Variants in PTPN13 observed in about 807,000 individuals in gnomAD.
PTPN13 encodes protein tyrosine phosphatase non-receptor type 13, also known as tyrosine-protein phosphatase non-receptor type 13.
A neutral mutation model predicts 284.0 loss-of-function variants in PTPN13; 191 were observed. The observed-to-expected ratio is 0.67, with a 90% CI of 0.60 to 0.76. The LOEUF is 0.76. Ranked by LOEUF, PTPN13 falls within the 30% of genes least tolerant of loss-of-function variation. The pLI is 0.00. For missense variants in PTPN13, 2,797 were observed against 2,939.9 expected (o/e 0.95, Z 1.12); for synonymous variants, 986 against 1,022.3 (o/e 0.96, Z 0.68).
intron 2 of PTPN13, among the ~76,000 whole-genome samples, chr4:86,642,421 CT>C (rs1723900107): frequency 1.5e-5 from 2 of 131,752 alleles, no homozygotes; most frequent in Non-Finnish European, 3.3e-5. Flanking sequence ...TTCAGTTCAT[CT>C]TTTCTTTTCT....
chr4:86,629,675 C>G (rs1367865162), intron 1 of PTPN13, among the ~76,000 whole-genome samples: 1 of 152,054 alleles, frequency 6.6e-6, no homozygotes, highest in African/African-American at 2.4e-5. Context: ...TTTTTAATGG[C>G]CTTCAAGACC....
At chr4:86,704,601 T>C (rs1731525657) in intron 7 of PTPN13, among the ~76,000 whole-genome samples, 1 of 152,200 alleles carries the variant, frequency 6.6e-6, no homozygotes, top group East Asian at 1.9e-4. Context: ...GTTCAAAAGG[T>C]AATTACGTAT....
Position 86,701,450 on chromosome 4 carries a change from C to A in PTPN13, c.844C>A (p.Pro282Thr). 6.2e-7 allele frequency: 1 copy of A among 1,613,652 alleles called. No individual in the cohort carries two copies. The highest frequency in any genetic ancestry group is 2.2e-5 in the East Asian group (1 of 44,874). ...CCCTTACCAGTTCAAAACTAGTGGC[C>A]CAGAAAAAAAACCCATCCCTGGCAT... ...FSPYQFKTSG[P>T]EKKPIPGIDV... The change falls in exon 7 of 48, where the codon CCA becomes ACA. Residue 282 changes from proline (P) to threonine (T), a missense_variant. Physicochemically the swap from Pro to Thr is conservative, Grantham distance 38. Coordinates refer to ENST00000411767, the MANE Select transcript of PTPN13 (RefSeq NM_080683.3).
Position 86,752,605 on chromosome 4 carries a change from A to G in PTPN13, c.3167-404A>G, listed in dbSNP as rs373147681. Among the ~76,000 whole-genome samples, 10 of 152,178 alleles carry G rather than the reference A, an allele frequency of 6.6e-5. No homozygotes were observed. The East Asian group carries it at 1.9e-3, about 29-fold the overall frequency. ...TTTGGTCTACATGAAAATTCATTAC[A>G]TATCCGAAGGAAAATAGTAAATACT... is the stretch of plus-strand genomic sequence containing the variant. On this transcript the variant is annotated intron_variant, in intron 19 of 47. Coordinates refer to ENST00000411767, the MANE Select transcript of PTPN13 (RefSeq NM_080683.3).
At chr4:86,634,319 A>G (rs1474542858) in intron 1 of PTPN13, among the ~76,000 whole-genome samples, 1 of 152,208 alleles carries the variant, frequency 6.6e-6, no homozygotes, top group Non-Finnish European at 1.5e-5. Context: ...ACTCTAAAGA[A>G]CAATTTTCAA....
At chr4:86,712,840 T>C (rs1231740452) in intron 7 of PTPN13, among the ~76,000 whole-genome samples, 1 of 151,846 alleles carries the variant, frequency 6.6e-6, no homozygotes. Context: ...AACCCAGAGA[T>C]TGAAAAAAGT....
chr4:86,691,880 C>T (rs190533805), intron 5 of PTPN13, among the ~76,000 whole-genome samples: 4 of 152,174 alleles, frequency 2.6e-5, no homozygotes. Context: ...CATTAATTAG[C>T]GTGAGTAAAA....
intron 2 of PTPN13, among the ~76,000 whole-genome samples, chr4:86,654,672 A>G (rs1488442854): frequency 2.0e-5 from 3 of 152,266 alleles, no homozygotes; most frequent in Non-Finnish European, 2.9e-5. Flanking sequence ...TATGTGGTCA[A>G]TTTTGGAATA....
chr4:86,621,984 A>G (rs1018487807), intron 1 of PTPN13, among the ~76,000 whole-genome samples: 2 of 152,148 alleles, frequency 1.3e-5, no homozygotes, highest in Non-Finnish European at 2.9e-5. Context: ...AATAAGATAT[A>G]TAGTTCACTG....
At chr4:86,765,575 A>G in intron 26 of PTPN13, 87 bp downstream of exon 26, 8 of 865,026 alleles carry the variant, frequency 9.2e-6, no homozygotes, top group Non-Finnish European at 1.4e-5. Flanking sequence ...CTGACCTTCA[A>G]ATTCATGATA....
chr4:86,743,053 T>C (rs1161480275), intron 16 of PTPN13, among the ~76,000 whole-genome samples: 2 of 152,302 alleles, frequency 1.3e-5, no homozygotes, highest in African/African-American at 4.8e-5. Context: ...TTTTTAACTC[T>C]CCTTTTTTCT....
At chr4:86,795,995 A>G (rs556611745) in intron 40 of PTPN13, among the ~76,000 whole-genome samples, 2 of 123,682 alleles carry the variant, frequency 1.6e-5, no homozygotes, top group East Asian at 4.0e-4. Context: ...CTACATAACA[A>G]ACCTGCATGT....
intron 9 of PTPN13, 42 bp downstream of exon 9, chr4:86,717,159 A>G (rs1733123584): frequency 2.3e-6 from 3 of 1,320,876 alleles, no homozygotes; most frequent in African/African-American, 1.5e-5. Flanking sequence ...TCCAGTGACC[A>G]GTGTTTGTTT....
intron 2 of PTPN13, among the ~76,000 whole-genome samples, chr4:86,654,904 G>C (rs1229353723): frequency 1.3e-5 from 2 of 152,236 alleles, no homozygotes; most frequent in African/African-American, 4.8e-5. Flanking sequence ...CTAAGGACTT[G>C]CTTTATGAAT....
At position 86,686,565 on chromosome 4, in the gene PTPN13, T is replaced by C; in HGVS notation, c.295-145T>C. ...TTGCTATCTCTTTTAAGCTCTCATA[T>C]ACTTTTATGGAAAATATAAAATGAT... On this transcript the variant is annotated intron_variant, in intron 3 of 47. Coordinates refer to ENST00000411767, the MANE Select transcript of PTPN13 (RefSeq NM_080683.3). 6 of 624,214 alleles carry C rather than the reference T, an allele frequency of 9.6e-6. No individual in the cohort carries two copies. In the South Asian group the frequency reaches 1.0e-4, roughly 11 times the overall value. 38.7% of individuals were successfully genotyped at this position (624,214 alleles called of 1,614,324 possible).
chr4:86,708,651 A>G (rs1484133783), intron 7 of PTPN13, among the ~76,000 whole-genome samples: 1 of 152,140 alleles, frequency 6.6e-6, no homozygotes, highest in Non-Finnish European at 1.5e-5. Context: ...CTTACTAACA[A>G]TAGGTATCAT....
chr4:86,718,511 C>T lies in PTPN13; in HGVS notation c.1385+1394C>T, dbSNP rs549874065. The stretch of plus-strand genomic sequence containing the variant: ...TGCTGCCCAGACTGTAATGCAGTGG[C>T]GCTATCTCAGCTCACTGCAACCTCT... On this transcript the variant is annotated intron_variant, in intron 9 of 47. Coordinates refer to ENST00000411767, the MANE Select transcript of PTPN13 (RefSeq NM_080683.3). Among the ~76,000 whole-genome samples, 8 of 149,692 alleles carry T rather than the reference C, an allele frequency of 5.3e-5. No homozygotes were observed. In the South Asian group the frequency reaches 1.1e-3, roughly 20 times the overall value.
intron 3 of PTPN13, among the ~76,000 whole-genome samples, chr4:86,683,710 A>G (rs974592648): frequency 1.3e-5 from 2 of 152,214 alleles, no homozygotes; most frequent in Non-Finnish European, 1.5e-5. Flanking sequence ...ACAATTTTAT[A>G]ACCTAGTTTT....
chr4:86,598,753 G>A (rs1027447157), intron 1 of PTPN13, among the ~76,000 whole-genome samples: 1 of 151,766 alleles, frequency 6.6e-6, no homozygotes, highest in Non-Finnish European at 1.5e-5. Flanking sequence ...CACCTGGATA[G>A]CTTTTTTAAG....
Sources: gnomAD v4.1 joint callset for allele counts (sites outside exome capture counted in the v4.1 genomes callset) on GRCh38, gnomAD v4.1.1 for gene constraint, MANE v1.5 for transcripts, NCBI Gene and HGNC (gene_info 2026-07-23, HGNC 2026-07-21) for gene names.